Variants in TENM1 observed in about 807,000 individuals in gnomAD.
TENM1 encodes the protein teneurin transmembrane protein 1.
A neutral mutation model predicts 174.8 loss-of-function variants in TENM1; 35 were observed. The ratio of observed to expected loss-of-function variants is 0.20; its 90% CI spans 0.15 to 0.27. TENM1 has a LOEUF of 0.27. Ranked by LOEUF, TENM1 falls within the 10% of genes least tolerant of loss-of-function variation. The pLI, the probability that TENM1 is intolerant of heterozygous loss-of-function variation, is 1.00. For missense variants in TENM1, 1,633 were observed against 2,130.1 expected (o/e 0.77, Z 4.59); for synonymous variants, 781 against 798.7 (o/e 0.98, Z 0.37).
chrX:124,546,839 T>C (rs1163142767), intron 15 of TENM1, 35 bp downstream of exon 18: 2 of 1,074,562 alleles, frequency 1.9e-6, no homozygotes, highest in South Asian at 3.8e-5. Flanking sequence ...AACATGACCA[T>C]TGTTCACTAA....
chrX:124,850,193 ATAG>A (rs2056691822), intron 3 of TENM1, among the ~76,000 whole-genome samples: 1 of 111,951 alleles, frequency 8.9e-6, no homozygotes, highest in Non-Finnish European at 1.9e-5. Flanking sequence ...CTTCAAAAAT[ATAG>A]TAGATCTAAT....
chrX:125,044,230 A>T, the TENM1 span, among the ~76,000 whole-genome samples: 3 of 105,385 alleles, frequency 2.8e-5, no homozygotes, highest in Admixed American at 2.0e-4. Flanking sequence ...AAATAAAAAA[A>T]AAAGAATATT....
intron 1 of TENM1, among the ~76,000 whole-genome samples, chrX:124,910,527 G>C (rs2057819593): frequency 9.0e-6 from 1 of 111,729 alleles, no homozygotes; most frequent in Non-Finnish European, 1.9e-5. Flanking sequence ...CATCACCTTG[G>C]GGGGAAAAAG....
chrX:124,973,917 A>G, the TENM1 span, among the ~76,000 whole-genome samples: 1 of 111,841 alleles, frequency 8.9e-6, no homozygotes, highest in African/African-American at 3.2e-5. Context: ...ATGAGAACAC[A>G]TGGACACAGG....
intron 4 of TENM1, among the ~76,000 whole-genome samples, chrX:124,706,425 T>A (rs1421803128): frequency 8.9e-6 from 1 of 112,022 alleles, no homozygotes; most frequent in Non-Finnish European, 1.9e-5. Context: ...AACATTCCCA[T>A]CAAGACAAGA....
At chrX:124,433,655 TG>T (rs57153015) in intron 23 of TENM1, among the ~76,000 whole-genome samples, 25,919 of 111,522 alleles carry the variant, frequency 0.23, 2,719 homozygotes, top group East Asian at 0.78. Context: ...TTGACAGTAA[TG>T]TTTTTGGTCC....
chrX:124,839,809 A>G (rs756304988), intron 3 of TENM1, among the ~76,000 whole-genome samples: 40 of 112,065 alleles, frequency 3.6e-4, no homozygotes, highest in Non-Finnish European at 6.4e-4. Context: ...AGATGCAATC[A>G]GCTTCAGTTC....
At chrX:124,415,793 G>A (rs1350142509) in intron 25 of TENM1, among the ~76,000 whole-genome samples, 3 of 111,351 alleles carry the variant, frequency 2.7e-5, no homozygotes, top group Non-Finnish European at 5.7e-5. Context: ...CCCATTCACC[G>A]TGAGAATCTT....
rs768486906 is a variant in TENM1, at chrX:124,533,476, C to G, written c.2652-3493G>C. ...CCTGCTTTCTGTGTTTTTCCTATTC[C>G]CATTATGGTGCCTCCCTGTTTCCTC... On this transcript the variant is annotated intron_variant, in intron 15 of 31. Transcript: ENST00000422452. Among the ~76,000 whole-genome samples the G allele has an allele frequency of 8.9e-4, 99 of 110,706 alleles. 1 individual carries two copies. Among genetic ancestry groups the G allele is most frequent in the African/African-American group, 3.2e-3 (96 of 30,460 alleles).
At chrX:124,588,565 A>G (rs1193944297) in intron 11 of TENM1, among the ~76,000 whole-genome samples, 1 of 109,034 alleles carries the variant, frequency 9.2e-6, no homozygotes, top group African/African-American at 3.3e-5. Flanking sequence ...GTGGGGAGGG[A>G]TAGCTTTAGG....
chrX:124,713,244 T>A (rs1432423581), intron 4 of TENM1, among the ~76,000 whole-genome samples: 3 of 111,468 alleles, frequency 2.7e-5, no homozygotes. Context: ...GTAGTCTAGA[T>A]CGTTACTATC....
intron 22 of TENM1, among the ~76,000 whole-genome samples, chrX:124,462,665 T>C (rs1184518414): frequency 9.0e-6 from 1 of 111,485 alleles, no homozygotes; most frequent in Non-Finnish European, 1.9e-5. Context: ...TCATGATCCA[T>C]GTAGGTAATA....
At chrX:124,616,596 A>G (rs768458814) in intron 11 of TENM1, among the ~76,000 whole-genome samples, 5 of 112,513 alleles carry the variant, frequency 4.4e-5, no homozygotes, top group African/African-American at 1.6e-4. Flanking sequence ...AACACATTCA[A>G]CAAGTGTATG....
the TENM1 span, among the ~76,000 whole-genome samples, chrX:125,126,470 A>G: frequency 9.0e-6 from 1 of 110,882 alleles, no homozygotes; most frequent in Non-Finnish European, 1.9e-5. Context: ...AACTTCACTT[A>G]TCAAACTTAA....
At chrX:125,164,731 G>C in the TENM1 span, among the ~76,000 whole-genome samples, 1 of 111,741 alleles carries the variant, frequency 8.9e-6, no homozygotes, top group Non-Finnish European at 1.9e-5. Flanking sequence ...ACTTCATTGA[G>C]TAAATAACAG....
At chrX:125,100,829 T>C in the TENM1 span, among the ~76,000 whole-genome samples, 1 of 111,431 alleles carries the variant, frequency 9.0e-6, no homozygotes, top group East Asian at 2.8e-4. Context: ...TTAACCAAAA[T>C]ACTATAATAT....
chrX:124,838,769 C>G (rs1376973391), intron 3 of TENM1, among the ~76,000 whole-genome samples: 1 of 110,925 alleles, frequency 9.0e-6, no homozygotes, highest in East Asian at 2.8e-4. Flanking sequence ...CTGTCTCTCC[C>G]TCTCTCTCTA....
chrX:124,589,229 G>C (rs190402258), intron 11 of TENM1, among the ~76,000 whole-genome samples: 1 of 109,977 alleles, frequency 9.1e-6, no homozygotes, highest in Non-Finnish European at 1.9e-5. Flanking sequence ...TCACTCTTAC[G>C]TCCCAGGGAT....
chrX:124,660,368 C>A (rs2148412108), intron 6 of TENM1, among the ~76,000 whole-genome samples: 1 of 104,728 alleles, frequency 9.5e-6, no homozygotes, highest in East Asian at 2.9e-4. Flanking sequence ...GAGCTAGACT[C>A]CATCTCCAAA....
Sources: gnomAD v4.1 joint callset for allele counts (sites outside exome capture counted in the v4.1 genomes callset) on GRCh38, gnomAD v4.1.1 for gene constraint, MANE v1.5 for transcripts, NCBI Gene and HGNC (gene_info 2026-07-23, HGNC 2026-07-21) for gene names.